PLEC: variants seen among roughly 807,000 people sequenced by gnomAD.
PLEC encodes the protein plectin.
PLEC carries 216 observed loss-of-function variants against 392.8 expected under a neutral mutation model. The observed-to-expected ratio is 0.55, with a 90% confidence interval of 0.49 to 0.62. The LOEUF (loss-of-function observed/expected upper bound fraction) is 0.62, where lower values mean the gene tolerates loss of function less well. Ranked by LOEUF, PLEC falls within the 20% of genes least tolerant of loss-of-function variation. The pLI is 0.00. For missense variants in PLEC, 6,863 were observed against 6,563.4 expected (o/e 1.05, Z -1.58); for synonymous variants, 3,621 against 2,980.6 (o/e 1.21, Z -7.00).
In PLEC at chr8:143,939,399, C is replaced by T. The variant is rs782341087; in HGVS notation, c.63G>A (p.Ser21=). ...GCACAGCCAGGTACAGGTTGTCCTC[C>T]GAGCTGGTTCTCTTTCGGCCCAGGC... ...PEGLGRKRTS[S]EDNLYLAVLR... is the part of the protein sequence containing the mutation. Residue 21 remains serine, a synonymous_variant, in exon 1 of 32, where the codon TCG becomes TCA. Coordinates refer to ENST00000345136, the MANE Select transcript of PLEC (RefSeq NM_201384.3). The T allele has an allele frequency of 6.2e-6, 10 of 1,612,762 alleles. No individual in the cohort carries two copies. The highest frequency in any genetic ancestry group is 1.1e-5 in the South Asian group (1 of 91,014).
chr8:143,933,405 A>G, intron 12 of PLEC, 54 bp from the exon 13 acceptor site: 1 of 1,600,076 alleles, frequency 6.2e-7, no homozygotes, highest in Non-Finnish European at 8.5e-7. Flanking sequence ...CTGACCTCAC[A>G]GGGGCCCCGG....
Position 143,969,052 on chromosome 8 carries a change from G to A in PLEC, c.70+4351C>T, listed in dbSNP as rs1833271369. On this transcript the variant is annotated intron_variant, in intron 1 of 31. Coordinates refer to the PLEC transcript ENST00000356346. This position sits in a 1 kb window ranked among gnomAD's most constrained non-coding sequence, Gnocchi z 5.1. ...AAAACATACGACCACACAAAAACGT[G>A]TATGCAAACGTCCATAGCAGCCTCA... 6.6e-6 allele frequency among the ~76,000 whole-genome samples: 1 copy of A among 152,184 alleles called. No individual in the cohort carries two copies. The highest frequency in any genetic ancestry group is 1.5e-5 in the Non-Finnish European group (1 of 68,028).
intron 1 of PLEC, among the ~76,000 whole-genome samples, chr8:143,949,828 T>C (rs1404128519): frequency 6.6e-6 from 1 of 151,784 alleles, no homozygotes; most frequent in African/African-American, 2.4e-5. Flanking sequence ...CACCCCCACC[T>C]CAGTGCCGAG....
rs374584807 is a variant in PLEC at position 143,934,588 on chromosome 8, C to T, written c.1041+47G>A. On this transcript the variant is annotated intron_variant, in intron 10 of 31. Coordinates refer to ENST00000345136, the MANE Select transcript of PLEC (RefSeq NM_201384.3). Reference sequence around the variant, plus strand: ...TCGGCTCCGGAAGAACCTTTCAGGCCTGGGGCGTTCCAGGACACCACCCAC... The same window carrying T: ...TCGGCTCCGGAAGAACCTTTCAGGCTTGGGGCGTTCCAGGACACCACCCAC... 3.9e-5 allele frequency: 62 copies of T among 1,602,716 alleles called. No homozygotes were observed. In the African/African-American group the frequency reaches 7.4e-4, roughly 19 times the overall value.
In PLEC at chr8:143,927,771, T is replaced by C; in HGVS notation, c.3400-5A>G. The C allele has an allele frequency of 6.2e-7, 1 of 1,600,860 alleles. No homozygotes were observed. The highest frequency in any genetic ancestry group is 8.5e-7 in the Non-Finnish European group (1 of 1,174,280). On this transcript the variant is annotated splice_region_variant and splice_polypyrimidine_tract_variant and intron_variant, in intron 26 of 31. Coordinates refer to ENST00000345136, the MANE Select transcript of PLEC (RefSeq NM_201384.3). The stretch of plus-strand genomic sequence containing the variant: ...CTCGGCCTGGGCCCGCAGCTTCTGT[T>C]GGGGACAGGAGGGACATGTGCGGCT...
At position 143,923,637 on chromosome 8, in the gene PLEC, C is replaced by T. The variant is rs782543560; in HGVS notation, c.6292G>A (p.Val2098Met). Reference sequence around the variant, plus strand: ...TGCGCCGCCTCACGCTCCGCCTGCACCCGGGCCTCCTCCGCCTCCTCAGCC... The same window carrying T: ...TGCGCCGCCTCACGCTCCGCCTGCATCCGGGCCTCCTCCGCCTCCTCAGCC... ...RAAEEAEEARVQAEREAAQSR... is the reference protein window; with the variant it reads ...RAAEEAEEARMQAEREAAQSR... The change falls in exon 31 of 32, where the codon GTG becomes ATG. Residue 2098 changes from valine (V) to methionine (M), a missense_variant. Physicochemically the swap from Val to Met is conservative, Grantham distance 21. Coordinates refer to ENST00000345136, the MANE Select transcript of PLEC (RefSeq NM_201384.3). The T allele has an allele frequency of 1.3e-6, 2 of 1,583,100 alleles. No individual in the cohort carries two copies. The highest frequency in any genetic ancestry group is 1.7e-5 in the Admixed American group (1 of 58,730).
chr8:143,918,064 C>T lies in PLEC; in HGVS notation c.11757G>A (p.Glu3919=). ...ACTTCTGCAAGTTCTTGGTGACCTC[C>T]TCGATGGAGGTCAGGCCCTCCCGCA... ...LQLREGLTSI[E]EVTKNLQKFL... is the part of the protein sequence containing the mutation. The change falls in exon 32 of 32, where the codon GAG becomes GAA. Residue 3919 remains glutamate, a synonymous_variant. Coordinates refer to ENST00000345136, the MANE Select transcript of PLEC (RefSeq NM_201384.3). 6.2e-7 allele frequency: 1 copy of T among 1,602,292 alleles called. No individual in the cohort carries two copies. Among genetic ancestry groups the T allele is most frequent in the Non-Finnish European group, 8.5e-7 (1 of 1,176,264 alleles).
chr8:143,935,227 A>T lies in PLEC; in HGVS notation c.689T>A (p.Leu230Gln), dbSNP rs1554722113. ...AGGGTCCAGGAGCCGCGTCACTCCCAGGTCCCGCTCCGCCACAGAGAAGGC... is the reference window on the plus strand; with the variant it reads ...AGGGTCCAGGAGCCGCGTCACTCCCTGGTCCCGCTCCGCCACAGAGAAGGC... ...DQAFSVAERD[L>Q]GVTRLLDPED... is the part of the protein sequence containing the mutation. Residue 230 changes from leucine to glutamine, a missense_variant, in exon 7 of 32, where the codon CTG becomes CAG. Physicochemically the swap from Leu to Gln is moderately radical, Grantham distance 113 (BLOSUM62 -2). Coordinates refer to ENST00000345136, the MANE Select transcript of PLEC (RefSeq NM_201384.3). 2 of 1,612,536 alleles carry T rather than the reference A, an allele frequency of 1.2e-6. No homozygotes were observed. Among genetic ancestry groups the T allele is most frequent in the Admixed American group, 1.7e-5 (1 of 60,012 alleles).
At position 143,934,692 on chromosome 8, in the gene PLEC, C is replaced by T. The variant is rs2132052445; in HGVS notation, c.984G>A (p.Glu328=). The T allele has an allele frequency of 6.2e-7, 1 of 1,612,950 alleles. No individual in the cohort carries two copies. The highest frequency in any genetic ancestry group is 8.5e-7 in the Non-Finnish European group (1 of 1,179,970). ...TCTTGTCGGCCTCCTTGGCTGGTAG[C>T]TCCATCTCCTTAAACTTCAGGAACT... is the stretch of plus-strand genomic sequence containing the variant. The part of the protein sequence containing the change: ...WSQFLKFKEM[E]LPAKEADKNR... Residue 328 remains glutamate (E), a synonymous_variant, in exon 10 of 32, where the codon GAG becomes GAA. Coordinates refer to ENST00000345136, the MANE Select transcript of PLEC (RefSeq NM_201384.3).
intron 30 of PLEC, among the ~76,000 whole-genome samples, chr8:143,926,154 G>A (rs903638874): frequency 6.6e-6 from 1 of 152,218 alleles, no homozygotes; most frequent in Non-Finnish European, 1.5e-5. Flanking sequence ...ACAGACGGAC[G>A]GGGAGAGAGA....
In PLEC at chr8:143,920,466, C is replaced by A. The variant is rs782278447; in HGVS notation, c.9355G>T (p.Ala3119Ser). 1 of 1,603,636 alleles carries A rather than the reference C, an allele frequency of 6.2e-7. No individual in the cohort carries two copies. Among genetic ancestry groups the A allele is most frequent in the South Asian group, 1.1e-5 (1 of 90,884 alleles). The change falls in exon 32 of 32, where the codon GCC becomes TCC. Residue 3119 changes from alanine (A) to serine (S), a missense_variant. Transcript: ENST00000345136. ...CGGGGAATGAGGCCCTTCTTCAGGG[C>A]CTGGAACAGGGAGACGCTCTGCCCT... Reference protein sequence around the residue: ...YTGQSVSLFQALKKGLIPREQ... With the variant: ...YTGQSVSLFQSLKKGLIPREQ...
upstream of PLEC, chr8:143,942,320 C>A (rs1830635810): frequency 6.4e-6 from 10 of 1,571,302 alleles, no homozygotes; most frequent in Non-Finnish European, 8.7e-6. Flanking sequence ...CGGTTCCCAG[C>A]AGAGACCCAG....
At chr8:143,933,390 C>T (rs1554719430) in intron 12 of PLEC, 39 bp from the exon 13 acceptor site, 3 of 1,603,022 alleles carry the variant, frequency 1.9e-6, no homozygotes, top group Non-Finnish European at 2.5e-6. Flanking sequence ...ACAGCTGATC[C>T]CCCTCTGACC....
rs781823105 is a variant in PLEC at position 143,926,813 on chromosome 8, C to T, written c.4015G>A (p.Glu1339Lys). The change falls in exon 30 of 32, where the codon GAG becomes AAG. Residue 1339 changes from glutamate (E) to lysine (K), a missense_variant. By Grantham distance (56) the Glu-to-Lys change is moderately conservative (BLOSUM62 1). Coordinates refer to ENST00000345136, the MANE Select transcript of PLEC (RefSeq NM_201384.3). ...TCCTCCTCCATGCGCCGCAGAGTCT[C>T]GCTGATGAACTTGATGTACTGGCTC... ...LTSQYIKFIS[E>K]TLRRMEEEER... The T allele has an allele frequency of 1.1e-5, 18 of 1,613,776 alleles. No individual in the cohort carries two copies. Among genetic ancestry groups the T allele is most frequent in the African/African-American group, 8.0e-5 (6 of 74,950 alleles).
At chr8:143,954,662 C>T (rs781899653), upstream of PLEC, among the ~76,000 whole-genome samples, 2 of 152,216 alleles carry the variant, frequency 1.3e-5, no homozygotes, top group South Asian at 2.1e-4. The surrounding 1 kb of genome is among the most constrained non-coding windows in gnomAD (Gnocchi z 4.6). Flanking sequence ...TCACTGCGCA[C>T]GCCTGGGGGA....
chr8:143,973,350 G>A lies in PLEC; in HGVS notation c.70+53C>T. On this transcript the variant is annotated intron_variant, in intron 1 of 31. Transcript: ENST00000356346. This position sits in a 1 kb window ranked among gnomAD's most constrained non-coding sequence, Gnocchi z 5.6. ...CGCCACCGTGGACGACAAGGTGCTC[G>A]GCGGCTGGGCTGTCAGGAGCGGCCC... 1.3e-6 allele frequency: 2 copies of A among 1,537,680 alleles called. No homozygotes were observed. The highest frequency in any genetic ancestry group is 8.8e-7 in the Non-Finnish European group (1 of 1,140,394).
At chr8:143,946,609 C>T in intron 1 of PLEC, 2 of 318,200 alleles carry the variant, frequency 6.3e-6, no homozygotes, top group South Asian at 4.6e-5. Flanking sequence ...AGGGGACTGG[C>T]CTGCCTGCAA....
In PLEC at chr8:143,933,242, G is replaced by A. The variant is rs782501411; in HGVS notation, c.1373C>T (p.Thr458Ile). ...MIRLLFNDVQ[T>I]LKDGRHPQGE... ...CTGCGGGTGCCGTCCATCCTTGAGG[G>A]TCTGCACGTCGTTGAAGAGCAGCCG... is the stretch of plus-strand genomic sequence containing the variant. Residue 458 changes from threonine (T) to isoleucine (I), a missense_variant, in exon 13 of 32, where the codon ACC (threonine) becomes ATC (isoleucine). By Grantham distance (89) the Thr-to-Ile change is moderately conservative (BLOSUM62 -1). Transcript: ENST00000345136. 1.2e-6 allele frequency: 2 copies of A among 1,613,106 alleles called. No homozygotes were observed. Among genetic ancestry groups the A allele is most frequent in the African/African-American group, 1.3e-5 (1 of 75,024 alleles).
chr8:143,934,479 C>A, intron 10 of PLEC, 34 bp from the exon 11 acceptor site: 2 of 1,608,396 alleles, frequency 1.2e-6, no homozygotes, highest in Non-Finnish European at 1.7e-6. Context: ...GCCCTATAGG[C>A]AGGGGGCAGG....
Sources: gnomAD v4.1 joint callset for allele counts (sites outside exome capture counted in the v4.1 genomes callset) on GRCh38, gnomAD v4.1.1 for gene constraint, Gnocchi (gnomAD v3.1) non-coding constraint, MANE v1.5 for transcripts, NCBI Gene and HGNC (gene_info 2026-07-23, HGNC 2026-07-21) for gene names.